The following IVD variants were observed in gnomAD, a reference collection of about 807,000 sequenced individuals.
IVD encodes isovaleryl-CoA dehydrogenase, mitochondrial.
A neutral mutation model predicts 51.3 loss-of-function variants in IVD; 31 were observed. The ratio of observed to expected loss-of-function variants is 0.60; its 90% CI spans 0.45 to 0.81. The LOEUF is 0.81. IVD is among the 40% of genes least tolerant of loss of function. IVD has a pLI of 0.00. For missense variants in IVD, 475 were observed against 552.0 expected, an observed-to-expected ratio of 0.86 and a Z score of 1.40; for synonymous variants, 205 against 219.4, an observed-to-expected ratio of 0.93 and a Z score of 0.58.
chr15:40,435,213 C>T (rs918665140), intron 8 of IVD, among the ~76,000 whole-genome samples: 1 of 152,174 alleles, frequency 6.6e-6, no homozygotes, highest in Non-Finnish European at 1.5e-5. Flanking sequence ...AAGCGAAGCT[C>T]GTCCCCATGT....
Position 40,405,968 on chromosome 15 carries a change from G to A in IVD, c.141G>A (p.Arg47=). 6.2e-7 allele frequency: 1 copy of A among 1,603,310 alleles called. No individual in the cohort carries two copies. Among genetic ancestry groups the A allele is most frequent in the Non-Finnish European group, 8.5e-7 (1 of 1,174,538 alleles). Reference sequence around the variant, plus strand: ...TCAATGGGCTAAGCGAGGAGCAGAGGCAGGTGAGGAGACTGACCCCCTTCC... The same window carrying A: ...TCAATGGGCTAAGCGAGGAGCAGAGACAGGTGAGGAGACTGACCCCCTTCC... The part of the protein sequence containing the change: ...DAINGLSEEQ[R]QLRQTMAKFL... The change falls in exon 1 of 12, where the codon AGG becomes AGA. Residue 47 remains arginine, a synonymous_variant. Coordinates refer to ENST00000487418, the MANE Select transcript of IVD (RefSeq NM_002225.5).
In IVD at chr15:40,420,755, A is replaced by C; in HGVS notation, c.*2492A>C. 1 of 985,730 alleles carries C rather than the reference A, an allele frequency of 1.0e-6. No individual in the cohort carries two copies. 61.1% of individuals were successfully genotyped at this position (985,730 alleles called of 1,614,324 possible). ...CACAATTTGACTTTCTCAAGGTCAA[A>C]ACGAACTAGAATCCAGATCTGCTCA... On this transcript the variant is annotated 3_prime_UTR_variant, in exon 12 of 12. Coordinates refer to ENST00000487418, the MANE Select transcript of IVD (RefSeq NM_002225.5).
At chr15:40,422,534 C>T (rs1460642576), downstream of IVD, among the ~76,000 whole-genome samples, 6 of 146,388 alleles carry the variant, frequency 4.1e-5, no homozygotes, top group African/African-American at 7.6e-5. Context: ...CTACCCACCT[C>T]GGCCTCCCAA....
At chr15:40,425,734 G>C (rs1480643925), downstream of IVD, among the ~76,000 whole-genome samples, 1 of 151,962 alleles carries the variant, frequency 6.6e-6, no homozygotes, top group Non-Finnish European at 1.5e-5. Context: ...TGTCGCCCAG[G>C]CTGGTCTCAG....
At position 40,416,445 on chromosome 15, in the gene IVD, C is replaced by T. The variant is rs112366697; in HGVS notation, c.1138+83C>T. 137,400 of 1,277,998 alleles carry T rather than the reference C, an allele frequency of 0.11. 8,142 individuals are homozygous for T. Among genetic ancestry groups the T allele is most frequent in the Non-Finnish European group, 0.13 (111,868 of 890,516 alleles). The allele number at this position is 1,277,998 out of a possible 1,614,324, so 79.2% of individuals were successfully genotyped here. A position where few individuals can be genotyped will look rare whatever the true frequency, so the allele number is the denominator to read the frequency against. On this transcript the variant is annotated intron_variant, in intron 11 of 11. Transcript: ENST00000487418. ...CTTCAGAAAGCAGTTTCAGGGCGGGCGTGGTGGCTCACACCTATAATCCCA... is the reference window on the plus strand; with the variant it reads ...CTTCAGAAAGCAGTTTCAGGGCGGGTGTGGTGGCTCACACCTATAATCCCA...
chr15:40,411,070 A>G (rs1891022931), intron 4 of IVD, among the ~76,000 whole-genome samples, 190 bp from the exon 5 acceptor site: 1 of 152,254 alleles, frequency 6.6e-6, no homozygotes, highest in Non-Finnish European at 1.5e-5. Context: ...TGCAAAGGGA[A>G]TGGAAAAAGG....
chr15:40,423,849 G>T (rs1892512087), downstream of IVD, among the ~76,000 whole-genome samples: 1 of 152,182 alleles, frequency 6.6e-6, no homozygotes, highest in African/African-American at 2.4e-5. Context: ...CTGTCCACGG[G>T]CCAGTGTTTG....
chr15:40,425,606 A>C (rs976860884), downstream of IVD, among the ~76,000 whole-genome samples: 1 of 151,838 alleles, frequency 6.6e-6, no homozygotes, highest in Non-Finnish European at 1.5e-5. Context: ...CTACAGCCTC[A>C]ACCTTTTGGG....
At chr15:40,424,249 C>T, downstream of IVD, 1 of 1,211,310 alleles carries the variant, frequency 8.3e-7, no homozygotes, top group East Asian at 5.8e-5. Context: ...GCAAATATGA[C>T]TCTGATCCCC....
downstream of IVD, among the ~76,000 whole-genome samples, chr15:40,428,815 G>C (rs1286307624): frequency 2.0e-5 from 3 of 152,170 alleles, no homozygotes; most frequent in Non-Finnish European, 4.4e-5. Context: ...CAATCTCTCT[G>C]TAGGACTGAC....
intron 10 of IVD, 39 bp from the exon 11 acceptor site, chr15:40,416,251 G>A (rs1891667804): frequency 6.2e-7 from 1 of 1,612,946 alleles, no homozygotes; most frequent in Non-Finnish European, 8.5e-7. Flanking sequence ...CTGTCTGCGT[G>A]CCTCGCAGGG....
Position 40,411,652 on chromosome 15 carries a change from GC to G in IVD, c.650del (p.Pro217GlnfsTer29), listed in dbSNP as rs1364046355. 6.2e-7 allele frequency: 1 copy of G among 1,614,110 alleles called. No homozygotes were observed. The highest frequency in any genetic ancestry group is 1.3e-5 in the African/African-American group (1 of 74,932). On this transcript the variant is annotated frameshift_variant, in exon 6 of 12. Coordinates refer to ENST00000487418, the MANE Select transcript of IVD (RefSeq NM_002225.5). LOFTEE classifies it high-confidence loss of function. ...VYAKTDLAAV[P>X]ASRGITAFIV... is the part of the protein sequence containing the mutation. Reference sequence around the variant, plus strand: ...ATGCCAAGACAGATCTGGCTGCTGTGCCAGCTTCTCGGGGCATCACAGCCTT... The same window carrying G: ...ATGCCAAGACAGATCTGGCTGCTGTGCAGCTTCTCGGGGCATCACAGCCTT...
chr15:40,422,922 G>GTTTA (rs1163516613), downstream of IVD, among the ~76,000 whole-genome samples: 3 of 151,254 alleles, frequency 2.0e-5, no homozygotes, highest in Non-Finnish European at 3.0e-5. Flanking sequence ...TTATTTGTTT[G>GTTTA]TTTATTTATT....
chr15:40,408,964 A>G (rs1249237904), intron 3 of IVD, among the ~76,000 whole-genome samples: 1 of 152,070 alleles, frequency 6.6e-6, no homozygotes, highest in Non-Finnish European at 1.5e-5. Context: ...AAAAAAGCCC[A>G]GCCTGCTTGG....
At chr15:40,422,038 GCTT>G (rs892755798), downstream of IVD, among the ~76,000 whole-genome samples, 2 of 152,246 alleles carry the variant, frequency 1.3e-5, no homozygotes, top group Admixed American at 6.5e-5. Flanking sequence ...GAGGCAGCGC[GCTT>G]CTTCGAGCGC....
At chr15:40,435,658 G>A, downstream of IVD, 6 of 1,047,744 alleles carry the variant, frequency 5.7e-6, no homozygotes, top group Non-Finnish European at 7.0e-6. Context: ...GGTTTACAAA[G>A]CTTAGGTGGC....
chr15:40,433,809 G>A (rs748267217), intron 7 of IVD: 1 of 456,304 alleles, frequency 2.2e-6, no homozygotes, highest in Non-Finnish European at 4.4e-6. Context: ...ACCTAGAAGA[G>A]CCCACAAACT....
intron 3 of IVD, among the ~76,000 whole-genome samples, chr15:40,409,684 G>T (rs1024360546): frequency 3.9e-5 from 6 of 152,126 alleles, no homozygotes; most frequent in Admixed American, 6.5e-5. Flanking sequence ...GCCACTTGGA[G>T]TTTGGATCTG....
downstream of IVD, among the ~76,000 whole-genome samples, chr15:40,428,638 C>T (rs954581399): frequency 6.6e-6 from 1 of 152,154 alleles, no homozygotes; most frequent in African/African-American, 2.4e-5. Context: ...TGTCAGAGAC[C>T]TTTGTATTGC....
Sources: allele counts gnomAD v4.1 joint callset (sites outside exome capture counted in the v4.1 genomes callset), GRCh38; gene constraint gnomAD v4.1.1; transcripts MANE v1.5; gene names NCBI Gene and HGNC (gene_info 2026-07-23, HGNC 2026-07-21).